The following SFMBT1 variants were observed in gnomAD, a reference collection of about 807,000 sequenced individuals.
SFMBT1 encodes the protein Scm like with four mbt domains 1.
Under a neutral mutation model 108.7 loss-of-function variants are expected in SFMBT1, and 32 were observed. The observed-to-expected ratio is 0.29, with a 90% CI of 0.22 to 0.40. The LOEUF (loss-of-function observed/expected upper bound fraction) is 0.40, where lower values mean the gene tolerates loss of function less well. Among genes scored for constraint, SFMBT1 ranks in the 10% least tolerant of loss-of-function variants. SFMBT1 has a pLI of 1.00. For synonymous variants in SFMBT1, 348 were observed against 369.5 expected (o/e 0.94, Z 0.67); for missense variants, 816 against 1,059.6 (o/e 0.77, Z 3.19).
At chr3:52,921,562 G>A (rs1702519444) in intron 11 of SFMBT1, 143 bp downstream of exon 11, 3 of 864,346 alleles carry the variant, frequency 3.5e-6, no homozygotes, top group African/African-American at 1.7e-5. Flanking sequence ...TAAATATTTC[G>A]CTTAGAGTCT....
chr3:53,038,867 C>T (rs1265953321), intron 1 of SFMBT1, among the ~76,000 whole-genome samples: 1 of 152,160 alleles, frequency 6.6e-6, no homozygotes, highest in Non-Finnish European at 1.5e-5. Flanking sequence ...ACTGAATATG[C>T]CTTTCAGATA....
chr3:53,025,882 T>C (rs1039284336), intron 1 of SFMBT1, among the ~76,000 whole-genome samples: 2 of 152,174 alleles, frequency 1.3e-5, no homozygotes, highest in African/African-American at 4.8e-5. Flanking sequence ...GGAAAACAGT[T>C]AAGAACCATA....
At chr3:53,034,512 G>A (rs887002802) in intron 1 of SFMBT1, among the ~76,000 whole-genome samples, 17 of 152,060 alleles carry the variant, frequency 1.1e-4, no homozygotes, top group South Asian at 4.1e-4. Flanking sequence ...ACCAGGAGGC[G>A]GAGGTTGCAG....
chr3:52,998,657 T>C (rs2106908555), intron 1 of SFMBT1, among the ~76,000 whole-genome samples: 1 of 150,546 alleles, frequency 6.6e-6, no homozygotes, highest in East Asian at 1.9e-4. Flanking sequence ...ATGGACTGGT[T>C]CTGCTCGTGC....
chr3:53,036,339 T>C (rs573621969), intron 1 of SFMBT1, among the ~76,000 whole-genome samples: 2 of 152,300 alleles, frequency 1.3e-5, no homozygotes, highest in East Asian at 3.9e-4. Flanking sequence ...CTAGAAAGAT[T>C]TCATTTGAAC....
At chr3:53,016,183 T>A in intron 1 of SFMBT1, among the ~76,000 whole-genome samples, 1 of 151,882 alleles carries the variant, frequency 6.6e-6, no homozygotes. Context: ...ACCCAGAACT[T>A]TAAGCTTACA....
At chr3:53,035,420 G>A (rs1395772808) in intron 1 of SFMBT1, among the ~76,000 whole-genome samples, 1 of 152,208 alleles carries the variant, frequency 6.6e-6, no homozygotes, top group Non-Finnish European at 1.5e-5. Flanking sequence ...AGACCATTTG[G>A]AAGCAACAGA....
At chr3:52,951,412 G>T (rs1575397344) in intron 3 of SFMBT1, among the ~76,000 whole-genome samples, 2 of 150,490 alleles carry the variant, frequency 1.3e-5, no homozygotes. Flanking sequence ...AATATTAAAA[G>T]AAATTCTTTT....
At chr3:52,992,649 C>T (rs1347415019) in intron 1 of SFMBT1, among the ~76,000 whole-genome samples, 1 of 152,112 alleles carries the variant, frequency 6.6e-6, no homozygotes, top group Non-Finnish European at 1.5e-5. Context: ...TTTCCTTAAA[C>T]TAACCAATAA....
rs1256284484 is a variant in SFMBT1, at chr3:52,930,348, G to A, written c.878C>T (p.Ser293Phe). The A allele has an allele frequency of 1.2e-6, 2 of 1,604,722 alleles. No homozygotes were observed. Among genetic ancestry groups the A allele is most frequent in the African/African-American group, 2.7e-5 (2 of 74,718 alleles). ...AVDPWSPFGI[S>F]PATVVKVFDE... ...TTTTACCTTAACAACTGTAGCAGGA[G>A]AGATCCCAAAAGGAGACCAGGGGTC... Residue 293 changes from serine (S) to phenylalanine (F), a missense_variant, in exon 8 of 21, where the codon TCT becomes TTT. Coordinates refer to ENST00000394752, the MANE Select transcript of SFMBT1 (RefSeq NM_016329.4).
At chr3:52,931,412 C>T (rs1702855901) in intron 6 of SFMBT1, among the ~76,000 whole-genome samples, 1 of 152,086 alleles carries the variant, frequency 6.6e-6, no homozygotes, top group Admixed American at 6.6e-5. Context: ...ACCCAATTTT[C>T]TATGTACCTA....
At chr3:52,949,806 C>T (rs955530013) in intron 3 of SFMBT1, among the ~76,000 whole-genome samples, 4 of 151,858 alleles carry the variant, frequency 2.6e-5, no homozygotes, top group South Asian at 2.1e-4. Flanking sequence ...CTTGAACTCC[C>T]GACCTCAAAT....
chr3:53,010,064 T>C (rs1167800834), intron 1 of SFMBT1, among the ~76,000 whole-genome samples: 1 of 152,140 alleles, frequency 6.6e-6, no homozygotes, highest in East Asian at 1.9e-4. Flanking sequence ...CTCTACTATG[T>C]AGCAGCTACA....
chr3:52,919,079 G>A (rs1312803558), intron 12 of SFMBT1, among the ~76,000 whole-genome samples: 2 of 151,988 alleles, frequency 1.3e-5, no homozygotes, highest in Non-Finnish European at 2.9e-5. Flanking sequence ...ATGCTCACTC[G>A]CCCGCCACTC....
At chr3:52,912,420 C>T (rs966846173) in intron 16 of SFMBT1, 118 bp downstream of exon 16, 23 of 700,880 alleles carry the variant, frequency 3.3e-5, no homozygotes, top group African/African-American at 2.0e-4. Flanking sequence ...CCTTGTGATC[C>T]GCCCGCCTCG....
At chr3:53,012,999 C>T (rs1217049470) in intron 1 of SFMBT1, among the ~76,000 whole-genome samples, 1 of 151,490 alleles carries the variant, frequency 6.6e-6, no homozygotes, top group Non-Finnish European at 1.5e-5. Context: ...ACAAAAAAAC[C>T]CATAAAAAAT....
chr3:52,919,807 G>C (rs1179293756), intron 12 of SFMBT1, among the ~76,000 whole-genome samples: 1 of 152,222 alleles, frequency 6.6e-6, no homozygotes, highest in Non-Finnish European at 1.5e-5. Flanking sequence ...CACCCAGCAA[G>C]GAGCTCAGGC....
chr3:53,002,331 G>A (rs1333192455), intron 1 of SFMBT1, among the ~76,000 whole-genome samples: 13 of 143,630 alleles, frequency 9.1e-5, no homozygotes, highest in Admixed American at 2.9e-4. Flanking sequence ...CCCGGGAGGC[G>A]AAGCTTGCAG....
intron 3 of SFMBT1, among the ~76,000 whole-genome samples, chr3:52,944,967 T>C (rs1449118446): frequency 9.2e-5 from 14 of 151,412 alleles, no homozygotes; most frequent in Non-Finnish European, 1.8e-4. Flanking sequence ...CCATGCCTTG[T>C]TAATTTTTGT....
Sources: gnomAD v4.1 joint callset for allele counts (sites outside exome capture counted in the v4.1 genomes callset) on GRCh38, gnomAD v4.1.1 for gene constraint, MANE v1.5 for transcripts, NCBI Gene and HGNC (gene_info 2026-07-23, HGNC 2026-07-21) for gene names.